The following DPYD variants were observed in gnomAD, a reference collection of about 807,000 sequenced individuals.
The protein encoded by DPYD is dihydropyrimidine dehydrogenase.
DPYD carries 109 observed loss-of-function variants against 116.2 expected under a neutral mutation model. The observed-to-expected ratio is 0.94, with a 90% confidence interval of 0.80 to 1.10. The LOEUF is 1.10. Ranked by LOEUF, DPYD falls within the 50% of genes least tolerant of loss-of-function variation. DPYD has a pLI of 0.00. For missense variants in DPYD, 1,302 were observed against 1,254.5 expected (o/e 1.04, Z -0.57); for synonymous variants, 440 against 432.0 (o/e 1.02, Z -0.23).
intron 16 of DPYD, among the ~76,000 whole-genome samples, chr1:97,354,921 C>T (rs534746005): frequency 1.3e-5 from 2 of 152,150 alleles, no homozygotes; most frequent in Non-Finnish European, 2.9e-5. Flanking sequence ...CCATCAGTTT[C>T]TTTATTTTTC....
intron 5 of DPYD, among the ~76,000 whole-genome samples, chr1:97,713,686 G>A (rs939880187): frequency 3.3e-5 from 5 of 152,070 alleles, no homozygotes; most frequent in African/African-American, 1.2e-4. Flanking sequence ...ATTCCAGACA[G>A]ACACATTTTA....
chr1:97,576,621 T>A (rs934348546), intron 10 of DPYD, among the ~76,000 whole-genome samples: 1 of 152,252 alleles, frequency 6.6e-6, no homozygotes. Context: ...TGTTTAGTAA[T>A]GTTCTCACCA....
At chr1:97,370,885 T>C (rs1229353481) in intron 16 of DPYD, among the ~76,000 whole-genome samples, 1 of 152,176 alleles carries the variant, frequency 6.6e-6, no homozygotes, top group Non-Finnish European at 1.5e-5. Context: ...TAAGATTTGA[T>C]ATGAAGCTTT....
At chr1:97,079,379 T>C (rs1224122026) in intron 22 of DPYD, among the ~76,000 whole-genome samples, 1 of 152,168 alleles carries the variant, frequency 6.6e-6, no homozygotes, top group Non-Finnish European at 1.5e-5. Context: ...AGGGGTATTT[T>C]TCTTCATTGT....
chr1:97,516,072 A>G, intron 12 of DPYD, 131 bp from the exon 13 acceptor site: 2 of 965,542 alleles, frequency 2.1e-6, no homozygotes, highest in Non-Finnish European at 3.2e-6. Flanking sequence ...CAATGAAAAA[A>G]ACTGGCAAAA....
In DPYD at chr1:97,309,486, T is replaced by C. The variant is rs546182947; in HGVS notation, c.2059-3189A>G. Among the ~76,000 whole-genome samples, 15 of 151,834 alleles carry C rather than the reference T, an allele frequency of 9.9e-5. No homozygotes were observed. In the South Asian group the frequency reaches 3.1e-3, roughly 31 times the overall value. Reference sequence around the variant, plus strand: ...CATGGCATTATAAGCAGAAAGACACTTGAAGCCCCTAAGAGAATGAGTGAC... The same window carrying C: ...CATGGCATTATAAGCAGAAAGACACCTGAAGCCCCTAAGAGAATGAGTGAC... On this transcript the variant is annotated intron_variant, in intron 16 of 22. Coordinates refer to ENST00000370192, the MANE Select transcript of DPYD (RefSeq NM_000110.4).
At chr1:97,471,502 T>C (rs949176014) in intron 13 of DPYD, among the ~76,000 whole-genome samples, 5 of 151,554 alleles carry the variant, frequency 3.3e-5, no homozygotes, top group Non-Finnish European at 7.4e-5. Flanking sequence ...AAAACATTAA[T>C]AAAACACCAT....
chr1:97,314,860 C>A (rs74104360), intron 16 of DPYD, among the ~76,000 whole-genome samples: 133 of 152,102 alleles, frequency 8.7e-4, no homozygotes, highest in African/African-American at 3.2e-3. Flanking sequence ...ACACCTTCTG[C>A]CCACAGTTTC....
chr1:97,527,111 C>T (rs975745218), intron 12 of DPYD, among the ~76,000 whole-genome samples: 12 of 150,824 alleles, frequency 8.0e-5, no homozygotes, highest in Non-Finnish European at 2.9e-5. Context: ...CGGTGTGTTG[C>T]TCTGTCGCCC....
intron 8 of DPYD, among the ~76,000 whole-genome samples, chr1:97,596,316 G>A (rs1180874915): frequency 1.3e-5 from 2 of 151,844 alleles, no homozygotes; most frequent in Non-Finnish European, 2.9e-5. Flanking sequence ...TTAGAGTGGT[G>A]GTATTAAGGA....
intron 3 of DPYD, among the ~76,000 whole-genome samples, chr1:97,766,944 G>A (rs1665889642): frequency 6.6e-6 from 1 of 152,118 alleles, no homozygotes; most frequent in South Asian, 2.1e-4. Context: ...TCATCATAGA[G>A]GGTAGAGCAA....
chr1:97,682,749 G>A (rs1024195390), intron 7 of DPYD, among the ~76,000 whole-genome samples: 1 of 151,854 alleles, frequency 6.6e-6, no homozygotes, highest in Non-Finnish European at 1.5e-5. Flanking sequence ...TTTATTCCTT[G>A]TACTTTTACA....
chr1:97,086,632 C>T (rs185088695), intron 21 of DPYD, among the ~76,000 whole-genome samples: 9 of 152,134 alleles, frequency 5.9e-5, no homozygotes, highest in Admixed American at 3.9e-4. Flanking sequence ...CTATGGCTCT[C>T]GCCCTATCTT....
At chr1:97,772,507 GAAGGCAGAAGTGTAATTTCAC>G (rs1666196278) in intron 3 of DPYD, among the ~76,000 whole-genome samples, 1 of 152,182 alleles carries the variant, frequency 6.6e-6, no homozygotes, top group Non-Finnish European at 1.5e-5. Context: ...AGATCACATT[GAAGGCAGAAGTGTAATTTCAC>G]AGGTTGGAAG....
At chr1:97,220,086 C>T (rs1660684553) in intron 19 of DPYD, among the ~76,000 whole-genome samples, 1 of 152,076 alleles carries the variant, frequency 6.6e-6, no homozygotes, top group Admixed American at 6.6e-5. Context: ...ATGTCCCCTC[C>T]AAAACTCATG....
intron 8 of DPYD, among the ~76,000 whole-genome samples, chr1:97,670,720 C>T (rs1413189711): frequency 6.6e-6 from 1 of 150,430 alleles, no homozygotes; most frequent in Admixed American, 6.6e-5. Context: ...AATTATCTCC[C>T]ACAAAAAATG....
intron 13 of DPYD, among the ~76,000 whole-genome samples, chr1:97,492,826 C>T (rs1284745110): frequency 6.6e-6 from 1 of 152,082 alleles, no homozygotes; most frequent in African/African-American, 2.4e-5. Context: ...TGAAACCCCC[C>T]ACCCAGAAGT....
chr1:97,267,443 T>C (rs1371836123), intron 18 of DPYD, among the ~76,000 whole-genome samples: 3 of 152,142 alleles, frequency 2.0e-5, no homozygotes, highest in African/African-American at 7.2e-5. Context: ...AAGATCAGAT[T>C]CATTTTTTAC....
intron 8 of DPYD, among the ~76,000 whole-genome samples, chr1:97,598,639 C>A (rs150283229): frequency 1.3e-5 from 2 of 150,776 alleles, no homozygotes; most frequent in Non-Finnish European, 3.0e-5. Context: ...GAGGGAGGAA[C>A]GAAGGAAGGA....
Sources: gnomAD v4.1 joint callset for allele counts (sites outside exome capture counted in the v4.1 genomes callset) on GRCh38, gnomAD v4.1.1 for gene constraint, MANE v1.5 for transcripts, NCBI Gene and HGNC (gene_info 2026-07-23, HGNC 2026-07-21) for gene names.